The following FTCDNL1 variants were observed in gnomAD, a reference collection of about 807,000 sequenced individuals.
The protein encoded by FTCDNL1 is formiminotransferase N-terminal subdomain-containing protein.
In FTCDNL1, 11 loss-of-function variants were observed where a neutral mutation model predicts 5.9. The ratio of observed to expected loss-of-function variants is 1.87; its 90% confidence interval spans 1.18 to 3.10. The LOEUF (loss-of-function observed/expected upper bound fraction) is 3.10. Ranked by LOEUF, FTCDNL1 falls within the 30% of genes most tolerant of loss-of-function variation. The probability of loss-of-function intolerance (pLI) is 0.00; values close to 1 mark genes in which losing one functional copy is unlikely to be tolerated. For missense variants in FTCDNL1, 115 were observed against 65.5 expected, an observed-to-expected ratio of 1.76 and a Z score of -2.61; for synonymous variants, 58 against 24.8, an observed-to-expected ratio of 2.34 and a Z score of -3.99.
At chr2:199,694,622 CT>C in the FTCDNL1 span, among the ~76,000 whole-genome samples, 1 of 152,078 alleles carries the variant, frequency 6.6e-6, no homozygotes, top group Non-Finnish European at 1.5e-5. Flanking sequence ...GTCCAGGAGT[CT>C]GAGATCAGCC....
chr2:199,670,646 T>C, the FTCDNL1 span, among the ~76,000 whole-genome samples: 1 of 152,058 alleles, frequency 6.6e-6, no homozygotes, highest in African/African-American at 2.4e-5. Context: ...CTCACAGACT[T>C]TGTATGTATG....
chr2:199,693,493 T>C, the FTCDNL1 span, among the ~76,000 whole-genome samples: 6 of 152,332 alleles, frequency 3.9e-5, 1 homozygote, highest in African/African-American at 1.4e-4. Context: ...ACAAATCTTA[T>C]ATTCTTGAGA....
chr2:199,762,580 C>T (rs1468930022), intron 3 of FTCDNL1, among the ~76,000 whole-genome samples: 2 of 151,984 alleles, frequency 1.3e-5, no homozygotes, highest in African/African-American at 2.4e-5. Context: ...ATAGTGTTGG[C>T]CCAGTAAAAT....
chr2:199,781,589 A>C (rs1699363563), intron 3 of FTCDNL1, among the ~76,000 whole-genome samples: 1 of 152,222 alleles, frequency 6.6e-6, no homozygotes, highest in African/African-American at 2.4e-5. Flanking sequence ...TTAGAACTAC[A>C]GAATGGCAGG....
chr2:199,838,883 T>G (rs1399940630), intron 3 of FTCDNL1, among the ~76,000 whole-genome samples: 1 of 152,116 alleles, frequency 6.6e-6, no homozygotes, highest in African/African-American at 2.4e-5. Flanking sequence ...ACGTTGAGAT[T>G]TTTTCAGCCC....
At chr2:199,667,543 GGAGGAC>G in the FTCDNL1 span, among the ~76,000 whole-genome samples, 1 of 152,140 alleles carries the variant, frequency 6.6e-6, no homozygotes, top group African/African-American at 2.4e-5. Context: ...GCACGTAGTG[GGAGGAC>G]TGCTTGAGCC....
chr2:199,684,105 C>G, the FTCDNL1 span, among the ~76,000 whole-genome samples: 3 of 152,228 alleles, frequency 2.0e-5, no homozygotes, highest in Non-Finnish European at 4.4e-5. Context: ...AAGAATTAAA[C>G]TACATTTACA....
At chr2:199,803,737 T>A (rs1425575531) in intron 3 of FTCDNL1, among the ~76,000 whole-genome samples, 1 of 152,180 alleles carries the variant, frequency 6.6e-6, no homozygotes, top group Non-Finnish European at 1.5e-5. Context: ...TTGCTGGGAT[T>A]ACAGGCATGA....
chr2:199,770,817 G>T (rs886881142), intron 3 of FTCDNL1, among the ~76,000 whole-genome samples: 3 of 152,142 alleles, frequency 2.0e-5, no homozygotes, highest in African/African-American at 4.8e-5. Flanking sequence ...GAATAGAAAA[G>T]GGATCAACTA....
the FTCDNL1 span, among the ~76,000 whole-genome samples, chr2:199,731,451 T>A: frequency 6.6e-6 from 1 of 152,172 alleles, no homozygotes; most frequent in African/African-American, 2.4e-5. Flanking sequence ...GTGAAGAAAT[T>A]GAAGTTAGGA....
chr2:199,746,455 TTAATGTC>T, the FTCDNL1 span, among the ~76,000 whole-genome samples: 147 of 152,208 alleles, frequency 9.7e-4, 1 homozygote, highest in South Asian at 0.011. Flanking sequence ...AAGGCAAAGC[TTAATGTC>T]TATGCCATGG....
the FTCDNL1 span, among the ~76,000 whole-genome samples, chr2:199,717,336 C>T: frequency 5.3e-5 from 8 of 152,114 alleles, no homozygotes; most frequent in South Asian, 1.7e-3. Flanking sequence ...TTACTTTGTA[C>T]ATTGGTTCAG....
At chr2:199,737,504 A>AATT in the FTCDNL1 span, among the ~76,000 whole-genome samples, 2 of 152,254 alleles carry the variant, frequency 1.3e-5, no homozygotes, top group Admixed American at 1.3e-4. Flanking sequence ...TATACTAAAT[A>AATT]TATCAACAGA....
At chr2:199,832,453 G>A (rs569773659) in intron 3 of FTCDNL1, among the ~76,000 whole-genome samples, 7 of 152,236 alleles carry the variant, frequency 4.6e-5, no homozygotes, top group Middle Eastern at 3.4e-3. Context: ...TCACAAACAC[G>A]TCTCCATTTA....
rs1700998531 is a variant in FTCDNL1, at chr2:199,810,920, C to T, written c.*1785G>A. Among the ~76,000 whole-genome samples, 3 of 152,312 alleles carry T rather than the reference C, an allele frequency of 2.0e-5. No homozygotes were observed. Among genetic ancestry groups the T allele is most frequent in the Admixed American group, 2.0e-4 (3 of 15,300 alleles). ...ATCAGAGAAATGCCTTCTGGGTTCA[C>T]TTTTCCCTAGACTACGATGGTTTGG... On this transcript the variant is annotated 3_prime_UTR_variant, in exon 5 of 5. Transcript: ENST00000420128.
downstream of FTCDNL1, among the ~76,000 whole-genome samples, chr2:199,757,630 TCC>T (rs1698117460): frequency 6.6e-6 from 1 of 152,140 alleles, no homozygotes; most frequent in East Asian, 1.9e-4. Flanking sequence ...TCACTGCACA[TCC>T]TCCCTCAAAT....
At chr2:199,840,987 T>TA (rs2076569974) in intron 3 of FTCDNL1, among the ~76,000 whole-genome samples, 1 of 151,678 alleles carries the variant, frequency 6.6e-6, no homozygotes, top group South Asian at 2.1e-4. Flanking sequence ...CCTGTCTCTA[T>TA]AAAAAATACA....
chr2:199,791,723 T>A (rs947096804), intron 3 of FTCDNL1, among the ~76,000 whole-genome samples: 4 of 152,182 alleles, frequency 2.6e-5, no homozygotes, highest in African/African-American at 9.6e-5. Context: ...GGCCATCTAT[T>A]TTTGTTTACT....
chr2:199,837,560 T>C (rs1702837163), intron 3 of FTCDNL1, among the ~76,000 whole-genome samples: 1 of 152,164 alleles, frequency 6.6e-6, no homozygotes, highest in Non-Finnish European at 1.5e-5. Context: ...GATCAGCCCA[T>C]GTTTTGACAA....
Sources: allele counts gnomAD v4.1 joint callset (sites outside exome capture counted in the v4.1 genomes callset), GRCh38; gene constraint gnomAD v4.1.1; transcripts MANE v1.5; gene names NCBI Gene and HGNC (gene_info 2026-07-23, HGNC 2026-07-21).